Variants in URB1 observed in about 807,000 individuals in gnomAD.
URB1 encodes the protein nucleolar pre-ribosomal-associated protein 1.
URB1 carries 197 observed loss-of-function variants against 242.3 expected under a neutral mutation model. That is an observed-to-expected ratio of 0.81 (90% CI 0.72 to 0.91). URB1 has a LOEUF of 0.91. URB1 is among the 40% of genes least tolerant of loss of function. The pLI, the probability that URB1 is intolerant of heterozygous loss-of-function variation, is 0.00. For missense variants in URB1, 2,721 were observed against 2,860.5 expected (o/e 0.95, Z 1.11); for synonymous variants, 1,153 against 1,201.8 (o/e 0.96, Z 0.84).
At chr21:32,392,426 G>A (rs2033649760) in intron 1 of URB1, among the ~76,000 whole-genome samples, 1 of 152,142 alleles carries the variant, frequency 6.6e-6, no homozygotes, top group Non-Finnish European at 1.5e-5. Flanking sequence ...GTCCTGAGCC[G>A]ACTCAGTAAG....
At position 32,334,249 on chromosome 21, in the gene URB1, C is replaced by G. The variant is rs771478306; in HGVS notation, c.4771G>C (p.Gly1591Arg). 1.3e-6 allele frequency: 2 copies of G among 1,551,470 alleles called. No individual in the cohort carries two copies. The highest frequency in any genetic ancestry group is 1.7e-6 in the Non-Finnish European group (2 of 1,146,946). Residue 1591 changes from glycine (G) to arginine (R), a missense_variant, in exon 29 of 39, where the codon GGG becomes CGG. Physicochemically the swap from Gly to Arg is moderately radical, Grantham distance 125. Coordinates refer to ENST00000382751, the MANE Select transcript of URB1 (RefSeq NM_014825.3). ...CGGTCCAGCAGGCGAAGGATGTCCC[C>G]GACACTCGGCTGCTGCCACAGTGAC... ...GRSLWQQPSVGDILRLLDRDR... is the reference protein window; with the variant it reads ...GRSLWQQPSVRDILRLLDRDR...
chr21:32,375,552 T>C, intron 5 of URB1, 69 bp from the exon 6 acceptor site: 2 of 964,568 alleles, frequency 2.1e-6, no homozygotes, highest in Non-Finnish European at 3.1e-6. Context: ...GAGAGAATAT[T>C]ACTGTTTAGG....
intron 8 of URB1, among the ~76,000 whole-genome samples, chr21:32,369,218 C>T (rs1222120902): frequency 6.6e-6 from 1 of 152,008 alleles, no homozygotes; most frequent in Non-Finnish European, 1.5e-5. Flanking sequence ...AAAAAATTAG[C>T]CAGGCATGGT....
chr21:32,328,142 A>C (rs527634063), intron 30 of URB1, among the ~76,000 whole-genome samples: 1 of 152,290 alleles, frequency 6.6e-6, no homozygotes, highest in South Asian at 2.1e-4. Flanking sequence ...TAATTCTCTT[A>C]TCTCTACTTT....
rs947270820 is a variant in URB1 at position 32,358,961 on chromosome 21, C to T, written c.1869+835G>A. On this transcript the variant is annotated intron_variant, in intron 14 of 38. Coordinates refer to ENST00000382751, the MANE Select transcript of URB1 (RefSeq NM_014825.3). ...AGCCACATGAAGCACCCGTAACCTG[C>T]CCAGCATGCGAGTAAGTTCTCAGTA... is the stretch of plus-strand genomic sequence containing the variant. Among the ~76,000 whole-genome samples the T allele has an allele frequency of 3.3e-5, 5 of 152,184 alleles. No individual in the cohort carries two copies. The South Asian group carries it at 1.0e-3, about 32-fold the overall frequency.
Position 32,317,747 on chromosome 21 carries a change from A to C in URB1, c.5963T>G (p.Ile1988Ser), listed in dbSNP as rs778882999. 1 of 1,551,732 alleles carries C rather than the reference A, an allele frequency of 6.4e-7. No individual in the cohort carries two copies. Reference protein sequence around the residue: ...VLVLLHKWSLIERDLKLQEDL... With the variant: ...VLVLLHKWSLSERDLKLQEDL... Reference sequence around the variant, plus strand: ...TTCCTGGAGCTTGAGGTCTCTTTCAATGAGGCTCCACTTGTGCAAGAGGAC... The same window carrying C: ...TTCCTGGAGCTTGAGGTCTCTTTCACTGAGGCTCCACTTGTGCAAGAGGAC... The change falls in exon 37 of 39, where the codon ATT becomes AGT. Residue 1988 changes from isoleucine to serine, a missense_variant. By Grantham distance (142) the Ile-to-Ser change is moderately radical. Transcript: ENST00000382751.
chr21:32,371,050 C>A (rs2033401029), intron 8 of URB1, among the ~76,000 whole-genome samples: 2 of 152,154 alleles, frequency 1.3e-5, no homozygotes, highest in African/African-American at 4.8e-5. Flanking sequence ...CTAAGCCAGG[C>A]AAAAAGCACA....
chr21:32,346,478 C>T (rs2033087269), intron 22 of URB1, among the ~76,000 whole-genome samples: 1 of 152,194 alleles, frequency 6.6e-6, no homozygotes. Context: ...AAGGGAATTA[C>T]ATTAAATTTG....
rs144697844 is a variant in URB1 at position 32,340,116 on chromosome 21, T to C, written c.4317-1216A>G. On this transcript the variant is annotated intron_variant, in intron 25 of 38. Coordinates refer to ENST00000382751, the MANE Select transcript of URB1 (RefSeq NM_014825.3). The stretch of plus-strand genomic sequence containing the variant: ...ATAATTCTGTGATGGTAACCTATAG[T>C]TGTCATTAACCTGGCACCCACTCTC... Among the ~76,000 whole-genome samples, 145 of 152,324 alleles carry C rather than the reference T, an allele frequency of 9.5e-4. No individual in the cohort carries two copies. The East Asian group carries it at 0.021, about 22-fold the overall frequency.
chr21:32,311,134 A>C lies in URB1; in HGVS notation c.*3784T>G, dbSNP rs147201000. 6.6e-4 allele frequency: 101 copies of C among 153,906 alleles called. 1 individual carries two copies. Among genetic ancestry groups the C allele is most frequent in the African/African-American group, 2.4e-3 (100 of 41,580 alleles). 9.5% of individuals were successfully genotyped at this position (153,906 alleles called of 1,614,324 possible). ...GCCACATCTTACATGACACAGGCAA[A>C]AGGGCATGTGCAGGGAAACTCCCCT... On this transcript the variant is annotated 3_prime_UTR_variant, in exon 39 of 39. Coordinates refer to ENST00000382751, the MANE Select transcript of URB1 (RefSeq NM_014825.3).
In URB1 at chr21:32,355,451, G is replaced by A. The variant is rs377601197; in HGVS notation, c.2104C>T (p.Arg702Cys). 1.2e-5 allele frequency: 19 copies of A among 1,551,280 alleles called. 1 individual carries two copies. The highest frequency in any genetic ancestry group is 1.2e-4 in the East Asian group (5 of 40,910). The change falls in exon 16 of 39, where the codon CGC becomes TGC. Residue 702 changes from arginine (R) to cysteine (C), a missense_variant and splice_region_variant. Transcript: ENST00000382751. ...TTATGTGGGAAATATGTGCTTACGCGTTCCAGAAACTGAATCACAGTCTCT... is the reference window on the plus strand; with the variant it reads ...TTATGTGGGAAATATGTGCTTACGCATTCCAGAAACTGAATCACAGTCTCT... ...DKETVIQFLE[R>C]ILLTLVANPY...
At position 32,375,446 on chromosome 21, in the gene URB1, T is replaced by C. The variant is rs2033448655; in HGVS notation, c.702A>G (p.Glu234=). The part of the protein sequence containing the change: ...IPCIFSSGIK[E]DRISTINILL... ...AAATATTGATGGTAGAGATCCTATC[T>C]TCCTTTATCCCTGAGCTAAAAATGC... Residue 234 remains glutamate (E), a synonymous_variant, in exon 6 of 39, where the codon GAA becomes GAG. Coordinates refer to ENST00000382751, the MANE Select transcript of URB1 (RefSeq NM_014825.3). The C allele has an allele frequency of 1.9e-6, 3 of 1,540,936 alleles. No homozygotes were observed. The highest frequency in any genetic ancestry group is 2.6e-6 in the Non-Finnish European group (3 of 1,142,112).
At chr21:32,324,710 C>A in intron 31 of URB1, 108 bp from the exon 32 acceptor site, 1 of 770,554 alleles carries the variant, frequency 1.3e-6, no homozygotes, top group South Asian at 1.6e-5. Context: ...GCCTGCTTCT[C>A]ATATCCCAGG....
At position 32,372,510 on chromosome 21, in the gene URB1, C is replaced by T. The variant is rs888595102; in HGVS notation, c.998G>A (p.Gly333Asp). The change falls in exon 8 of 39, where the codon GGC becomes GAC. Residue 333 changes from glycine (G) to aspartate (D), a missense_variant. Gly to Asp is a moderately conservative substitution (Grantham distance 94). Coordinates refer to ENST00000382751, the MANE Select transcript of URB1 (RefSeq NM_014825.3). ...NFYDASLGTF[G>D]RGGNLTLLHF... ...CCACAAGAGTGTTATACTTTACCTG[C>T]CAAAGGTACCCAAAGATGCATCGTA... 6.4e-7 allele frequency: 1 copy of T among 1,551,004 alleles called. No homozygotes were observed. Among genetic ancestry groups the T allele is most frequent in the Non-Finnish European group, 8.7e-7 (1 of 1,146,928 alleles).
At chr21:32,368,833 G>T (rs1470537088) in intron 8 of URB1, among the ~76,000 whole-genome samples, 1 of 149,954 alleles carries the variant, frequency 6.7e-6, no homozygotes, top group African/African-American at 2.5e-5. Flanking sequence ...TCTGTCCTGC[G>T]ATCTTTCTTC....
At chr21:32,324,383 T>G (rs958744820) in intron 32 of URB1, 108 bp downstream of exon 32, 6 of 904,018 alleles carry the variant, frequency 6.6e-6, no homozygotes, top group Non-Finnish European at 1.0e-5. Flanking sequence ...CGGAGTGGCC[T>G]TGAACACAGA....
At chr21:32,343,918 G>A (rs2033057327) in intron 24 of URB1, among the ~76,000 whole-genome samples, 1 of 151,194 alleles carries the variant, frequency 6.6e-6, no homozygotes, top group South Asian at 2.1e-4. Context: ...AGAGAAAGAA[G>A]ACACAACACA....
In URB1 at chr21:32,311,936, C is replaced by T. The variant is rs751870972; in HGVS notation, c.*2982G>A. 1.5e-5 allele frequency: 24 copies of T among 1,613,550 alleles called. No homozygotes were observed. Among genetic ancestry groups the T allele is most frequent in the East Asian group, 2.2e-5 (1 of 44,890 alleles). On this transcript the variant is annotated 3_prime_UTR_variant, in exon 39 of 39. Transcript: ENST00000382751. The stretch of plus-strand genomic sequence containing the variant: ...AACTGACCCTCAATGGGGGTCCCCT[C>T]GTCAGGAGCAAGCCCAGCGAGCCTC...
At chr21:32,361,514 C>T (rs974743589) in intron 12 of URB1, among the ~76,000 whole-genome samples, 1 of 146,972 alleles carries the variant, frequency 6.8e-6, no homozygotes, top group African/African-American at 2.4e-5. Flanking sequence ...GGATGAAATA[C>T]GATACAGACA....
Sources: gnomAD v4.1 joint callset for allele counts (sites outside exome capture counted in the v4.1 genomes callset) on GRCh38, gnomAD v4.1.1 for gene constraint, MANE v1.5 for transcripts, NCBI Gene and HGNC (gene_info 2026-07-23, HGNC 2026-07-21) for gene names.